CLSTN3: variants seen among roughly 807,000 people sequenced by gnomAD.
CLSTN3 encodes calsyntenin-3.
A neutral mutation model predicts 95.9 loss-of-function variants in CLSTN3; 36 were observed. That is an observed-to-expected ratio of 0.38 (90% CI 0.29 to 0.50). The LOEUF (loss-of-function observed/expected upper bound fraction) is 0.50, where lower values mean the gene tolerates loss of function less well. Among genes scored for constraint, CLSTN3 ranks in the 20% least tolerant of loss-of-function variants. CLSTN3 has a pLI of 0.95. For missense variants in CLSTN3, 1,084 were observed against 1,268.8 expected (o/e 0.85, Z 2.21); for synonymous variants, 481 against 504.0 (o/e 0.95, Z 0.61).
Position 7,138,049 on chromosome 12 carries a change from C to A in CLSTN3, c.1305C>A (p.Phe435Leu). ...TTGAGAGTGCCCGCCCAGTCAAGTT[C>A]CTCTGGAAGCTGGAGCAGGTGAGGC... Reference protein sequence around the residue: ...PLLESARPVKFLWKLEQVCDD... With the variant: ...PLLESARPVKLLWKLEQVCDD... The change falls in exon 8 of 18, where the codon TTC becomes TTA. Residue 435 changes from phenylalanine to leucine, a missense_variant. Coordinates refer to ENST00000266546, the MANE Select transcript of CLSTN3 (RefSeq NM_014718.4). 1 of 1,613,650 alleles carries A rather than the reference C, an allele frequency of 6.2e-7. No homozygotes were observed. The highest frequency in any genetic ancestry group is 1.1e-5 in the South Asian group (1 of 91,056).
At position 7,133,061 on chromosome 12, in the gene CLSTN3, G is replaced by A. The variant is rs1565648109; in HGVS notation, c.102G>A (p.Gln34=). ...KHKPWIEAEY[Q]GIVMENDNTV... Reference sequence around the variant, plus strand: ...AGCCATGGATTGAGGCAGAGTACCAGGGCATCGTCATGGAGAATGACAACA... The same window carrying A: ...AGCCATGGATTGAGGCAGAGTACCAAGGCATCGTCATGGAGAATGACAACA... Residue 34 remains glutamine, a synonymous_variant, in exon 2 of 18, where the codon CAG becomes CAA. Coordinates refer to ENST00000266546, the MANE Select transcript of CLSTN3 (RefSeq NM_014718.4). The surrounding 1 kb of genome is among the most constrained non-coding windows in gnomAD (Gnocchi z 4.7). The A allele has an allele frequency of 1.2e-6, 2 of 1,613,946 alleles. No homozygotes were observed. The highest frequency in any genetic ancestry group is 1.7e-6 in the Non-Finnish European group (2 of 1,179,968).
chr12:7,135,400 G>T lies in CLSTN3; in HGVS notation c.457G>T (p.Ala153Ser), dbSNP rs372922249. The T allele has an allele frequency of 1.3e-5, 21 of 1,614,062 alleles. No homozygotes were observed. The highest frequency in any genetic ancestry group is 1.2e-4 in the Admixed American group (7 of 60,008). ...GTTTGTGGAACGGCTGTATCGTGCGGCTGTGACAGAGGGGAAGCTGTACGA... is the reference window on the plus strand; with the variant it reads ...GTTTGTGGAACGGCTGTATCGTGCGTCTGTGACAGAGGGGAAGCTGTACGA... ...PVFVERLYRA[A>S]VTEGKLYDRI... The change falls in exon 4 of 18, where the codon GCT becomes TCT. Residue 153 changes from alanine to serine, a missense_variant. Ala to Ser is a moderately conservative substitution (Grantham distance 99). Coordinates refer to ENST00000266546, the MANE Select transcript of CLSTN3 (RefSeq NM_014718.4).
chr12:7,136,473 A>G (rs778510601), intron 6 of CLSTN3, 82 bp downstream of exon 6: 3 of 1,306,140 alleles, frequency 2.3e-6, no homozygotes, highest in African/African-American at 1.5e-5. Flanking sequence ...TCTGCTTTAC[A>G]TCACCACTGG....
At chr12:7,146,691 T>C (rs1202802670) in intron 12 of CLSTN3, among the ~76,000 whole-genome samples, 2 of 152,186 alleles carry the variant, frequency 1.3e-5, no homozygotes, top group Non-Finnish European at 2.9e-5. Flanking sequence ...GCGATGACCA[T>C]ATTTGCCTTT....
intron 10 of CLSTN3, among the ~76,000 whole-genome samples, chr12:7,142,384 C>T (rs1397611226): frequency 6.6e-6 from 1 of 152,036 alleles, no homozygotes; most frequent in Non-Finnish European, 1.5e-5. Context: ...GGTGGCTTTC[C>T]ACATGGTAGA....
rs1285921684 is a variant in CLSTN3 at position 7,148,197 on chromosome 12, AAAGAAAG to A, written c.1848-772_1848-766del. Among the ~76,000 whole-genome samples, 22 of 135,808 alleles carry A rather than the reference AAAGAAAG, an allele frequency of 1.6e-4. 1 individual carries two copies. The highest frequency in any genetic ancestry group is 7.6e-3 in the Middle Eastern group (2 of 264). 89.1% of individuals were successfully genotyped at this position (135,808 alleles called of 152,430 possible). ...GAAAGAAAGAAAGAAAGAAAGAAAG[AAAGAAAG>A]AAAGAAAGAAATGTGGGAAAATGCT... On this transcript the variant is annotated intron_variant, in intron 12 of 17. Coordinates refer to ENST00000266546, the MANE Select transcript of CLSTN3 (RefSeq NM_014718.4).
chr12:7,131,497 T>G (rs1591612259), intron 1 of CLSTN3: 14 of 289,570 alleles, frequency 4.8e-5, no homozygotes, highest in Admixed American at 1.3e-4. Flanking sequence ...TGGAAAAGGG[T>G]AAAGGTGGAG....
At chr12:7,142,718 C>CT (rs373132235) in intron 10 of CLSTN3, 151 bp from the exon 11 acceptor site, 24,047 of 306,510 alleles carry the variant, frequency 0.078, 1,113 homozygotes, top group East Asian at 0.12. Flanking sequence ...CTCTTTTTTC[C>CT]TTTTTTTTTT....
rs777062590 is a variant in CLSTN3 at position 7,157,553 on chromosome 12, C to T, written c.2592C>T (p.Val864=). 1.9e-6 allele frequency: 3 copies of T among 1,612,458 alleles called. No homozygotes were observed. The highest frequency in any genetic ancestry group is 2.2e-5 in the South Asian group (2 of 90,912). Residue 864 remains valine, a synonymous_variant, in exon 17 of 18, where the codon GTC becomes GTT. Coordinates refer to ENST00000266546, the MANE Select transcript of CLSTN3 (RefSeq NM_014718.4). The surrounding 1 kb of genome is among the most constrained non-coding windows in gnomAD (Gnocchi z 5.9). ...VCVGFLVLMV[V]LGLVRIHSLH... is the part of the protein sequence containing the mutation. ...TGGGCTTCCTGGTGCTCATGGTCGT[C>T]CTGGGCCTGGTGCGCATCCATTCCC...
intron 1 of CLSTN3, chr12:7,131,661 TG>T: frequency 2.5e-6 from 1 of 408,016 alleles, no homozygotes. Context: ...ACAAGCAGGG[TG>T]GGAGGGGGAG....
At chr12:7,156,082 C>T in intron 16 of CLSTN3, 1 of 358,638 alleles carries the variant, frequency 2.8e-6, no homozygotes, top group Non-Finnish European at 5.5e-6. Flanking sequence ...TTTCTAGGGG[C>T]TTGCTTGTGT....
At chr12:7,154,282 A>G (rs916660419) in intron 16 of CLSTN3, among the ~76,000 whole-genome samples, 1 of 152,198 alleles carries the variant, frequency 6.6e-6, no homozygotes, top group Non-Finnish European at 1.5e-5. Flanking sequence ...AAGCAGTGAG[A>G]GGTACGATCT....
intron 8 of CLSTN3, among the ~76,000 whole-genome samples, chr12:7,139,753 A>C (rs752925674): frequency 1.3e-5 from 2 of 151,632 alleles, no homozygotes; most frequent in East Asian, 3.9e-4. Context: ...GGTTCAAGAG[A>C]TTCTCCTGCC....
Position 7,149,027 on chromosome 12 carries a change from G to A in CLSTN3, c.1903G>A (p.Val635Ile), listed in dbSNP as rs781636112. The A allele has an allele frequency of 1.1e-5, 17 of 1,614,056 alleles. No individual in the cohort carries two copies. Among genetic ancestry groups the A allele is most frequent in the Middle Eastern group, 1.6e-4 (1 of 6,084 alleles). Residue 635 changes from valine (V) to isoleucine (I), a missense_variant, in exon 13 of 18, where the codon GTC becomes ATC. By Grantham distance (29) the Val-to-Ile change is conservative. Coordinates refer to ENST00000266546, the MANE Select transcript of CLSTN3 (RefSeq NM_014718.4). The surrounding 1 kb of genome is among the most constrained non-coding windows in gnomAD (Gnocchi z 4.5). ...CCCTGAAGTGGAGGGCTACGTGGTC[G>A]TCCTTCAGCCTGACGCCCCCCAGAT... is the stretch of plus-strand genomic sequence containing the variant. ...SIPEVEGYVV[V>I]LQPDAPQILL...
In CLSTN3 at chr12:7,142,718, CTTTTTTT is replaced by C. The variant is rs373132235; in HGVS notation, c.1541-140_1541-134del. 1.8e-4 allele frequency: 55 copies of C among 307,000 alleles called. 1 individual carries two copies. Among genetic ancestry groups the C allele is most frequent in the Middle Eastern group, 6.7e-4 (1 of 1,498 alleles). The allele number at this position is 307,000 out of a possible 1,614,324, so 19.0% of individuals were successfully genotyped here. A position where few individuals can be genotyped will look rare whatever the true frequency, so the allele number is the denominator to read the frequency against. ...CCTCACCTCTCATCTCTCTTTTTTC[CTTTTTTT>C]TTTTTTTTTTGGTTTCCACATTTCT... On this transcript the variant is annotated intron_variant, in intron 10 of 17. Coordinates refer to ENST00000266546, the MANE Select transcript of CLSTN3 (RefSeq NM_014718.4).
chr12:7,136,453 T>TGG, intron 6 of CLSTN3, 62 bp downstream of exon 6: 1 of 1,433,134 alleles, frequency 7.0e-7, no homozygotes, highest in South Asian at 1.4e-5. Flanking sequence ...TGTCCAAACT[T>TGG]TTCCAAGACT....
Position 7,136,270 on chromosome 12 carries a change from C to T in CLSTN3, c.807C>T (p.Arg269=). The change falls in exon 6 of 18, where the codon CGC becomes CGT. Residue 269 remains arginine (R), a synonymous_variant. Coordinates refer to ENST00000266546, the MANE Select transcript of CLSTN3 (RefSeq NM_014718.4). ...GCTTGGCTTTGTTCCCTGGTATCCG[C>T]CTGGAGACCTGTGATGAACCACTCT... The part of the protein sequence containing the change: ...AGSLALFPGI[R]LETCDEPLWN... The T allele has an allele frequency of 6.2e-7, 1 of 1,614,208 alleles. No homozygotes were observed.
chr12:7,144,682 C>T (rs549075240), intron 12 of CLSTN3, among the ~76,000 whole-genome samples: 20 of 152,288 alleles, frequency 1.3e-4, no homozygotes, highest in Non-Finnish European at 2.2e-4. Flanking sequence ...CCCCTCTCCC[C>T]GATTCTGCCT....
At chr12:7,130,916 C>T (rs1939287153) in intron 1 of CLSTN3, 4 of 623,350 alleles carry the variant, frequency 6.4e-6, no homozygotes, top group Non-Finnish European at 8.6e-6. Flanking sequence ...TCTGGTCCAT[C>T]TCTACCCATG....
Sources: gnomAD v4.1 joint callset for allele counts (sites outside exome capture counted in the v4.1 genomes callset) on GRCh38, gnomAD v4.1.1 for gene constraint, Gnocchi (gnomAD v3.1) non-coding constraint, MANE v1.5 for transcripts, NCBI Gene and HGNC (gene_info 2026-07-23, HGNC 2026-07-21) for gene names.